Variants in KCNH1 observed in about 807,000 individuals in gnomAD.
KCNH1 encodes the protein voltage-gated delayed rectifier potassium channel KCNH1.
KCNH1 carries 27 observed loss-of-function variants against 69.2 expected under a neutral mutation model. The observed-to-expected ratio is 0.39, with a 90% CI of 0.29 to 0.54. The LOEUF is 0.54. KCNH1 is among the 20% of genes least tolerant of loss of function. The pLI is 0.68. For missense variants in KCNH1, 798 were observed against 1,261.6 expected, an observed-to-expected ratio of 0.63 and a Z score of 5.57; for synonymous variants, 456 against 487.7, an observed-to-expected ratio of 0.93 and a Z score of 0.86.
At chr1:210,727,258 C>T (rs982453744) in intron 10 of KCNH1, among the ~76,000 whole-genome samples, 1 of 152,200 alleles carries the variant, frequency 6.6e-6, no homozygotes, top group Non-Finnish European at 1.5e-5. Context: ...AAGGCAAAGG[C>T]ATATTCCCAC....
intron 6 of KCNH1, among the ~76,000 whole-genome samples, chr1:210,957,903 G>T (rs1186465296): frequency 5.9e-5 from 9 of 152,068 alleles, no homozygotes; most frequent in Admixed American, 5.2e-4. Context: ...GGGGCATTTA[G>T]CCCATTTACA....
intron 10 of KCNH1, among the ~76,000 whole-genome samples, chr1:210,742,081 A>G (rs1191217784): frequency 2.6e-5 from 4 of 152,248 alleles, no homozygotes; most frequent in African/African-American, 9.6e-5. Context: ...AAGAGGAGAC[A>G]GTGCTGCCTA....
In KCNH1 at chr1:210,938,136, G is replaced by T. The variant is rs187266256; in HGVS notation, c.1033-18067C>A. ...CCCTAACTTGGAGAATGTGCTCTGG[G>T]TCTATAATCTCTCAAGTACAAAACC... On this transcript the variant is annotated intron_variant, in intron 6 of 10. Coordinates refer to ENST00000271751, the MANE Select transcript of KCNH1 (RefSeq NM_172362.3). 2.0e-3 allele frequency among the ~76,000 whole-genome samples: 305 copies of T among 152,278 alleles called. 10 individuals are homozygous for T. Among genetic ancestry groups the T allele is most frequent in the Admixed American group, 0.02 (305 of 15,292 alleles).
intron 10 of KCNH1, among the ~76,000 whole-genome samples, chr1:210,696,229 A>G (rs1230085480): frequency 6.6e-6 from 1 of 152,148 alleles, no homozygotes; most frequent in Non-Finnish European, 1.5e-5. Context: ...CCCTTCTCAG[A>G]GGGCTGCATG....
At chr1:211,037,430 A>G (rs2102428597) in intron 5 of KCNH1, among the ~76,000 whole-genome samples, 1 of 151,994 alleles carries the variant, frequency 6.6e-6, no homozygotes, top group Admixed American at 6.5e-5. Flanking sequence ...CTATTTGTTC[A>G]CAATCACATT....
At chr1:210,700,765 T>A (rs1199777310) in intron 10 of KCNH1, among the ~76,000 whole-genome samples, 1 of 152,082 alleles carries the variant, frequency 6.6e-6, no homozygotes, top group Non-Finnish European at 1.5e-5. Flanking sequence ...AACTTAAAAG[T>A]AGGTGGTAGG....
intron 10 of KCNH1, among the ~76,000 whole-genome samples, chr1:210,719,347 G>C (rs774809819): frequency 6.6e-6 from 1 of 152,112 alleles, no homozygotes; most frequent in African/African-American, 2.4e-5. Context: ...GACTTATAAG[G>C]AAACCTAAAC....
intron 10 of KCNH1, among the ~76,000 whole-genome samples, chr1:210,728,961 A>G (rs1418090871): frequency 6.6e-6 from 1 of 152,220 alleles, no homozygotes; most frequent in Non-Finnish European, 1.5e-5. Flanking sequence ...TTTGCTGCCA[A>G]AATACTCATA....
chr1:211,037,843 C>G (rs548288234), intron 5 of KCNH1, among the ~76,000 whole-genome samples: 53 of 152,200 alleles, frequency 3.5e-4, no homozygotes, highest in South Asian at 1.5e-3. Context: ...TGGGGAGACC[C>G]AAAGGAAGGT....
At position 210,795,962 on chromosome 1, in the gene KCNH1, AACACACAC is replaced by A. The variant is rs369505764; in HGVS notation, c.1915+1538_1915+1545del. The stretch of plus-strand genomic sequence containing the variant: ...ATGGTGAAACCCCATCTCTACTAAA[AACACACAC>A]ACACACACACACACACACACACACA... On this transcript the variant is annotated intron_variant, in intron 9 of 10. Coordinates refer to ENST00000271751, the MANE Select transcript of KCNH1 (RefSeq NM_172362.3). Among the ~76,000 whole-genome samples, 358 of 136,092 alleles carry A rather than the reference AACACACAC, an allele frequency of 2.6e-3. 2 individuals carry two copies. Among genetic ancestry groups the A allele is most frequent in the African/African-American group, 7.8e-3 (284 of 36,268 alleles). 89.3% of individuals were successfully genotyped at this position (136,092 alleles called of 152,430 possible). A position where few individuals can be genotyped will look rare whatever the true frequency, so the allele number is the denominator to read the frequency against.
intron 5 of KCNH1, among the ~76,000 whole-genome samples, chr1:211,058,303 A>G (rs1690352293): frequency 6.6e-6 from 1 of 152,240 alleles, no homozygotes; most frequent in Non-Finnish European, 1.5e-5. Context: ...GTAAGTACAC[A>G]GAAAAGCACA....
intron 7 of KCNH1, among the ~76,000 whole-genome samples, chr1:210,868,047 A>G (rs1686153218): frequency 6.6e-6 from 1 of 152,032 alleles, no homozygotes. Flanking sequence ...ACTAGGTCTT[A>G]TAAGTGTATG....
rs549149073 is a variant in KCNH1 at position 210,772,656 on chromosome 1, G to A, written c.2112+2692C>T. 2.7e-4 allele frequency among the ~76,000 whole-genome samples: 41 copies of A among 152,194 alleles called. 1 individual carries two copies. In the South Asian group the frequency reaches 7.9e-3, roughly 29 times the overall value. ...CAGCTAGTTTGACTCTCCAACAGTC[G>A]CCTAAGTCCCTTCCACAATGTTTCT... On this transcript the variant is annotated intron_variant, in intron 10 of 10. Transcript: ENST00000271751.
intron 6 of KCNH1, among the ~76,000 whole-genome samples, chr1:211,001,929 A>T (rs1037489569): frequency 2.7e-5 from 4 of 150,558 alleles, no homozygotes; most frequent in Non-Finnish European, 5.9e-5. Context: ...ACCAAACACC[A>T]CATGTTCTCA....
intron 6 of KCNH1, among the ~76,000 whole-genome samples, chr1:210,957,864 T>C (rs1313864739): frequency 6.6e-6 from 1 of 152,198 alleles, no homozygotes; most frequent in East Asian, 1.9e-4. Context: ...TGCCTCTTTA[T>C]CCAATTTGCC....
intron 7 of KCNH1, among the ~76,000 whole-genome samples, chr1:210,825,411 T>C (rs958095477): frequency 2.0e-5 from 3 of 152,224 alleles, no homozygotes; most frequent in African/African-American, 7.2e-5. Flanking sequence ...AAAAAATATA[T>C]GAGTACATGG....
At chr1:211,001,659 A>G (rs1689181770) in intron 6 of KCNH1, among the ~76,000 whole-genome samples, 1 of 152,216 alleles carries the variant, frequency 6.6e-6, no homozygotes, top group Admixed American at 6.5e-5. Context: ...CCATCCCATT[A>G]CTAGGTATAT....
At chr1:211,121,000 G>T (rs1253140696) in intron 1 of KCNH1, among the ~76,000 whole-genome samples, 1 of 152,020 alleles carries the variant, frequency 6.6e-6, no homozygotes, top group South Asian at 2.1e-4. Context: ...TCTTCAAGGA[G>T]AACAAACTAC....
intron 10 of KCNH1, among the ~76,000 whole-genome samples, chr1:210,734,218 A>G (rs930861280): frequency 2.0e-5 from 3 of 152,210 alleles, no homozygotes; most frequent in Admixed American, 6.5e-5. Context: ...AGTGACGGCA[A>G]TTGATTTCAT....
Sources: gnomAD v4.1 joint callset for allele counts (sites outside exome capture counted in the v4.1 genomes callset) on GRCh38, gnomAD v4.1.1 for gene constraint, MANE v1.5 for transcripts, NCBI Gene and HGNC (gene_info 2026-07-23, HGNC 2026-07-21) for gene names.